Variants in BROX observed in about 807,000 individuals in gnomAD.
BROX encodes the protein BRO1 domain and CAAX motif containing, also known as BRO1 domain-containing protein BROX.
Under a neutral mutation model 61.0 loss-of-function variants are expected in BROX, and 53 were observed. The observed-to-expected ratio is 0.87, with a 90% CI of 0.70 to 1.09. The LOEUF (loss-of-function observed/expected upper bound fraction) is 1.09. Among genes scored for constraint, BROX ranks in the 50% least tolerant of loss-of-function variants. The probability of loss-of-function intolerance (pLI) is 0.00; values close to 1 mark genes in which losing one functional copy is unlikely to be tolerated. For synonymous variants in BROX, 152 were observed against 160.2 expected (o/e 0.95, Z 0.38); for missense variants, 489 against 472.0 (o/e 1.04, Z -0.33).
At chr1:222,725,291 C>T (rs1001878859) in intron 6 of BROX, among the ~76,000 whole-genome samples, 159 bp from the exon 7 acceptor site, 1 of 152,126 alleles carries the variant, frequency 6.6e-6, no homozygotes, top group Non-Finnish European at 1.5e-5. Flanking sequence ...TATTTATAAG[C>T]TTACTGTTGT....
chr1:222,713,079 C>A (rs1656185426), intron 1 of BROX, 137 bp downstream of exon 1: 1 of 1,027,628 alleles, frequency 9.7e-7, no homozygotes, highest in South Asian at 3.1e-5. Context: ...CCTTCTAGTG[C>A]CTTGAAACAA....
chr1:222,713,143 A>T, intron 1 of BROX: 1 of 981,062 alleles, frequency 1.0e-6, no homozygotes, highest in Non-Finnish European at 1.2e-6. Context: ...ATTAACAGCT[A>T]GATCCGCTGA....
intron 4 of BROX, among the ~76,000 whole-genome samples, chr1:222,720,259 A>G (rs1188365926): frequency 1.3e-5 from 2 of 152,130 alleles, no homozygotes; most frequent in Non-Finnish European, 2.9e-5. Flanking sequence ...CATTCATTAA[A>G]TGTTCATTTC....
intron 4 of BROX, among the ~76,000 whole-genome samples, 192 bp downstream of exon 4, chr1:222,719,551 C>G (rs1190766293): frequency 6.6e-6 from 1 of 152,190 alleles, no homozygotes; most frequent in African/African-American, 2.4e-5. Context: ...TTTCTCCCAA[C>G]CAAATCTATT....
At chr1:222,727,086 ACTGT>A (rs1192836852) in intron 7 of BROX, 78 bp from the exon 8 acceptor site, 2 of 947,664 alleles carry the variant, frequency 2.1e-6, no homozygotes, top group Admixed American at 2.1e-5. Flanking sequence ...AGATTATCAG[ACTGT>A]CTTTTGCTAT....
intron 1 of BROX, chr1:222,715,257 C>T (rs918123676): frequency 6.6e-6 from 1 of 152,292 alleles, no homozygotes; most frequent in African/African-American, 2.4e-5. Flanking sequence ...TGGACAAAAC[C>T]ACCCACCCCC....
chr1:222,722,795 A>G (rs985314955), intron 5 of BROX, among the ~76,000 whole-genome samples: 2 of 152,222 alleles, frequency 1.3e-5, no homozygotes, highest in Admixed American at 1.3e-4. Context: ...ACCGTAAACA[A>G]AGTTAAAAAA....
At position 222,732,839 on chromosome 1, in the gene BROX, G is replaced by A. The variant is rs987231164; in HGVS notation, c.*125G>A. 4 of 720,948 alleles carry A rather than the reference G, an allele frequency of 5.5e-6. No homozygotes were observed. Among genetic ancestry groups the A allele is most frequent in the Non-Finnish European group, 9.0e-6 (4 of 444,774 alleles). 44.7% of individuals were successfully genotyped at this position (720,948 alleles called of 1,614,324 possible). On this transcript the variant is annotated 3_prime_UTR_variant, in exon 13 of 13. Transcript: ENST00000340934. ...AACTATTATATTCAGAGGGTTATCT[G>A]CCTTCAGCTTACTTGTTCTTAATTT...
intron 9 of BROX, among the ~76,000 whole-genome samples, chr1:222,729,286 C>T (rs1392419100): frequency 6.6e-6 from 1 of 152,164 alleles, no homozygotes; most frequent in Non-Finnish European, 1.5e-5. Flanking sequence ...TCATCAGAAA[C>T]CTTTTTCAGG....
In BROX at chr1:222,731,511, GAC is replaced by G; in HGVS notation, c.1146_1147del (p.Asp382GlufsTer3). On this transcript the variant is annotated frameshift_variant, in exon 12 of 13. Transcript: ENST00000340934. LOFTEE classifies it high-confidence loss of function. ...AFDLTKRPKD[D>X]STKPKPEEEV... ...TGATCTCACCAAAAGACCCAAGGAT[GAC>G]AGTGTATGAGATTGTTTTTTTTTTT... 1.3e-6 allele frequency: 2 copies of G among 1,581,744 alleles called. No individual in the cohort carries two copies. The highest frequency in any genetic ancestry group is 2.4e-5 in the South Asian group (2 of 84,334).
rs112843253 is a variant in BROX, at chr1:222,732,073, G to T, written c.1150-555G>T. On this transcript the variant is annotated intron_variant, in intron 12 of 12. Transcript: ENST00000340934. ...ATTGCTCCTTTCTTGAGATTGAGTT[G>T]TGTTTATATAATTTCCTTTCCATAT... Among the ~76,000 whole-genome samples the T allele has an allele frequency of 6.0e-4, 91 of 152,180 alleles. 1 individual carries two copies. Among genetic ancestry groups the T allele is most frequent in the African/African-American group, 2.1e-3 (86 of 41,538 alleles).
rs1038101124 is a variant in BROX at position 222,712,765 on chromosome 1, G to C, written c.-194G>C. ...CCGCCCCTGAGCTGCGCGCACTACCGCCTCGGTAGCTATCATGGCCGCCGG... is the reference window on the plus strand; with the variant it reads ...CCGCCCCTGAGCTGCGCGCACTACCCCCTCGGTAGCTATCATGGCCGCCGG... On this transcript the variant is annotated 5_prime_UTR_variant, in exon 1 of 13. Coordinates refer to ENST00000340934, the MANE Select transcript of BROX (RefSeq NM_144695.4). 2 of 1,289,598 alleles carry C rather than the reference G, an allele frequency of 1.6e-6. No individual in the cohort carries two copies. Among genetic ancestry groups the C allele is most frequent in the Non-Finnish European group, 2.0e-6 (2 of 989,104 alleles). The allele number at this position is 1,289,598 out of a possible 1,614,324, so 79.9% of individuals were successfully genotyped here. A position where few individuals can be genotyped will look rare whatever the true frequency, so the allele number is the denominator to read the frequency against.
chr1:222,722,447 A>C lies in BROX; in HGVS notation c.334A>C (p.Ile112Leu). The change falls in exon 5 of 13, where the codon ATT becomes CTT. Residue 112 changes from isoleucine to leucine, a missense_variant. Transcript: ENST00000340934. ...SAQQDAVFEL[I>L]SMGFNVALWY... ...CCAGCAGGATGCTGTTTTTGAATTA[A>C]TTTCCATGGGATTTAATGTAGCTTT... is the stretch of plus-strand genomic sequence containing the variant. The C allele has an allele frequency of 6.2e-7, 1 of 1,613,560 alleles. No homozygotes were observed. The highest frequency in any genetic ancestry group is 8.5e-7 in the Non-Finnish European group (1 of 1,179,686).
rs2124978730 is a variant in BROX, at chr1:222,712,779, C to T, written c.-180C>T. 7.8e-7 allele frequency: 1 copy of T among 1,289,488 alleles called. No individual in the cohort carries two copies. Among genetic ancestry groups the T allele is most frequent in the Non-Finnish European group, 1.0e-6 (1 of 988,918 alleles). The allele number at this position is 1,289,488 out of a possible 1,614,324, so 79.9% of individuals were successfully genotyped here. A position where few individuals can be genotyped will look rare whatever the true frequency, so the allele number is the denominator to read the frequency against. On this transcript the variant is annotated 5_prime_UTR_variant, in exon 1 of 13. Transcript: ENST00000340934. The stretch of plus-strand genomic sequence containing the variant: ...CGCGCACTACCGCCTCGGTAGCTAT[C>T]ATGGCCGCCGGGTCACGTGACTCCG...
rs376776293 is a variant in BROX, at chr1:222,731,474, A to T, written c.1107A>T (p.Thr369=). 1.6e-5 allele frequency: 26 copies of T among 1,602,358 alleles called. No homozygotes were observed. The highest frequency in any genetic ancestry group is 2.1e-5 in the Non-Finnish European group (25 of 1,176,860). ...PPTSVQWTPE[T]LAAFDLTKRP... ...CAAGTGTTCAGTGGACACCAGAAAC[A>T]TTGGCTGCATTTGATCTCACCAAAA... is the stretch of plus-strand genomic sequence containing the variant. The change falls in exon 12 of 13, where the codon ACA becomes ACT. Residue 369 remains threonine, a synonymous_variant. Transcript: ENST00000340934.
chr1:222,729,537 A>G, intron 9 of BROX, 83 bp from the exon 10 acceptor site: 1 of 1,022,270 alleles, frequency 9.8e-7, no homozygotes, highest in Non-Finnish European at 1.5e-6. Context: ...TGAAGGTACT[A>G]ATTTATCTGA....
intron 4 of BROX, among the ~76,000 whole-genome samples, chr1:222,720,805 T>A (rs1657040480): frequency 6.6e-6 from 1 of 151,416 alleles, no homozygotes; most frequent in Non-Finnish European, 1.5e-5. Context: ...ACACCGAGAG[T>A]CCATCTCAAA....
At chr1:222,715,891 T>C in intron 2 of BROX, 91 bp downstream of exon 2, 1 of 660,198 alleles carries the variant, frequency 1.5e-6, no homozygotes, top group Non-Finnish European at 2.6e-6. Flanking sequence ...GTTTCTAAGT[T>C]TGTTATAAAT....
chr1:222,718,883 G>A (rs368370531), intron 2 of BROX, 42 bp from the exon 3 acceptor site: 8 of 1,482,650 alleles, frequency 5.4e-6, no homozygotes, highest in Non-Finnish European at 7.5e-6. Context: ...TAGATTGATT[G>A]CAGTACAGCT....
Sources: allele counts gnomAD v4.1 joint callset (sites outside exome capture counted in the v4.1 genomes callset), GRCh38; gene constraint gnomAD v4.1.1; transcripts MANE v1.5; gene names NCBI Gene and HGNC (gene_info 2026-07-23, HGNC 2026-07-21).